VPS39: variants seen among roughly 807,000 people sequenced by gnomAD.
The protein encoded by VPS39 is vam6/Vps39-like protein.
VPS39 carries 70 observed loss-of-function variants against 121.0 expected under a neutral mutation model. The ratio of observed to expected loss-of-function variants is 0.58; its 90% CI spans 0.48 to 0.71. The LOEUF is 0.71. Ranked by LOEUF, VPS39 falls within the 30% of genes least tolerant of loss-of-function variation. VPS39 has a pLI of 0.00. For missense variants in VPS39, 818 were observed against 1,051.5 expected (o/e 0.78, Z 3.07); for synonymous variants, 378 against 398.1 (o/e 0.95, Z 0.60).
intron 7 of VPS39, among the ~76,000 whole-genome samples, chr15:42,186,591 T>C (rs1292644753): frequency 1.3e-5 from 2 of 152,174 alleles, no homozygotes; most frequent in Non-Finnish European, 2.9e-5. Context: ...TTTCTACATA[T>C]AGTATGCATA....
chr15:42,179,999 TTC>T (rs2049549019), intron 8 of VPS39, among the ~76,000 whole-genome samples: 1 of 152,150 alleles, frequency 6.6e-6, no homozygotes, highest in South Asian at 2.1e-4. Context: ...TCTCTTACCC[TTC>T]TCCTTCCACC....
In VPS39 at chr15:42,159,792, G is replaced by C. The variant is rs1190113428; in HGVS notation, c.*962C>G. 6.6e-6 allele frequency: 1 copy of C among 152,474 alleles called. No individual in the cohort carries two copies. The highest frequency in any genetic ancestry group is 6.5e-5 in the Admixed American group (1 of 15,286). The allele number at this position is 152,474 out of a possible 1,614,324, so 9.4% of individuals were successfully genotyped here. ...TGGAAACTGGCTGGAAAAAGAGAAAGGGCCCAGAGCACAAAATCGCCACGC... is the reference window on the plus strand; with the variant it reads ...TGGAAACTGGCTGGAAAAAGAGAAACGGCCCAGAGCACAAAATCGCCACGC... On this transcript the variant is annotated 3_prime_UTR_variant, in exon 25 of 25. Transcript: ENST00000318006.
intron 1 of VPS39, among the ~76,000 whole-genome samples, chr15:42,201,651 G>C (rs901639176): frequency 6.6e-6 from 1 of 152,234 alleles, no homozygotes; most frequent in African/African-American, 2.4e-5. Context: ...AGATGATGCT[G>C]ATGCTGGTGG....
chr15:42,187,814 C>A lies in VPS39; in HGVS notation c.385G>T (p.Val129Leu). 6.2e-7 allele frequency: 1 copy of A among 1,614,202 alleles called. No individual in the cohort carries two copies. Among genetic ancestry groups the A allele is most frequent in the South Asian group, 1.1e-5 (1 of 91,084 alleles). Reference protein sequence around the residue: ...GEEVLRMCVAVKKKLQLYFWK... With the variant: ...GEEVLRMCVALKKKLQLYFWK... ...AAATAGAGCTGCAGCTTCTTTTTTA[C>A]TGCCACACACATCCGTAACACCTCC... The change falls in exon 6 of 25, where the codon GTA becomes TTA. Residue 129 changes from valine to leucine, a missense_variant. By Grantham distance (32) the Val-to-Leu change is conservative. Transcript: ENST00000318006.
At chr15:42,206,781 G>A (rs1741505126) in intron 1 of VPS39, among the ~76,000 whole-genome samples, 1 of 152,178 alleles carries the variant, frequency 6.6e-6, no homozygotes, top group Admixed American at 6.5e-5. Context: ...TTGTATTACT[G>A]TCCCAAGCAA....
At chr15:42,176,869 A>G (rs553165954) in intron 10 of VPS39, among the ~76,000 whole-genome samples, 31 of 152,296 alleles carry the variant, frequency 2.0e-4, no homozygotes, top group African/African-American at 7.5e-4. Flanking sequence ...TCTTTAAAGT[A>G]TCACTATCTG....
At chr15:42,171,602 T>C (rs1297982269) in intron 11 of VPS39, among the ~76,000 whole-genome samples, 2 of 152,250 alleles carry the variant, frequency 1.3e-5, no homozygotes, top group African/African-American at 4.8e-5. Context: ...AAAATATACA[T>C]GCCACAATAT....
rs869280235 is a variant in VPS39 at position 42,170,741 on chromosome 15, ATT to A, written c.1091-877_1091-876del. Reference sequence around the variant, plus strand: ...ATGGTGTTCTCACAGATGCTCGCAGATTTTTTTTTTTTTTTTTTTTTTTTTTT... The same window carrying A: ...ATGGTGTTCTCACAGATGCTCGCAGATTTTTTTTTTTTTTTTTTTTTTTTT... On this transcript the variant is annotated intron_variant, in intron 11 of 24. Transcript: ENST00000318006. Among the ~76,000 whole-genome samples, 345 of 50,410 alleles carry A rather than the reference ATT, an allele frequency of 6.8e-3. 2 individuals are homozygous for A. Among genetic ancestry groups the A allele is most frequent in the African/African-American group, 0.024 (331 of 13,768 alleles). The allele number at this position is 50,410 out of a possible 152,430, so 33.1% of individuals were successfully genotyped here.
chr15:42,190,455 A>G (rs187260787), intron 4 of VPS39, among the ~76,000 whole-genome samples: 27 of 152,318 alleles, frequency 1.8e-4, no homozygotes, highest in African/African-American at 6.3e-4. Flanking sequence ...CTGCATGTCC[A>G]GAAAAGGCCT....
intron 14 of VPS39, 29 bp from the exon 15 acceptor site, chr15:42,166,678 T>A (rs1326605204): frequency 3.1e-6 from 5 of 1,613,968 alleles, no homozygotes; most frequent in Non-Finnish European, 4.2e-6. Context: ...AACAAGGTCA[T>A]GAGCCTTTTC....
chr15:42,176,187 T>A (rs1028706407), intron 10 of VPS39, among the ~76,000 whole-genome samples: 1 of 152,166 alleles, frequency 6.6e-6, no homozygotes, highest in Non-Finnish European at 1.5e-5. Context: ...TACCTGAGAT[T>A]AAACAACCTG....
chr15:42,166,026 C>T (rs539299110), intron 16 of VPS39, 133 bp downstream of exon 16: 2 of 1,059,694 alleles, frequency 1.9e-6, no homozygotes, highest in South Asian at 2.8e-5. Context: ...GCTCGCGCTT[C>T]CCAGTCCACC....
chr15:42,200,505 C>T (rs1383370680), intron 1 of VPS39, among the ~76,000 whole-genome samples: 1 of 152,138 alleles, frequency 6.6e-6, no homozygotes, highest in Non-Finnish European at 1.5e-5. Context: ...ACATAATAAG[C>T]TTACAGAATT....
At chr15:42,198,990 T>G (rs1424173219) in intron 2 of VPS39, among the ~76,000 whole-genome samples, 1 of 152,230 alleles carries the variant, frequency 6.6e-6, no homozygotes. Context: ...CTTTCCCGAG[T>G]GCACTAGTAA....
At position 42,199,981 on chromosome 15, in the gene VPS39, C is replaced by CA. The variant is rs372749604; in HGVS notation, c.74-21dup. 27,565 of 1,460,924 alleles carry CA rather than the reference C, an allele frequency of 0.019. 1,228 individuals are homozygous for CA. The African/African-American group carries it at 0.2, about 11-fold the overall frequency. The allele number at this position is 1,460,924 out of a possible 1,614,324, so 90.5% of individuals were successfully genotyped here. A position where few individuals can be genotyped will look rare whatever the true frequency, so the allele number is the denominator to read the frequency against. ...ATTCCTCTGGAAAAACAAAACAAAA[C>CA]AAAAACAAAAACAAAAAAAAACCAG... On this transcript the variant is annotated intron_variant, in intron 1 of 24. Coordinates refer to ENST00000318006, the MANE Select transcript of VPS39 (RefSeq NM_015289.5).
intron 13 of VPS39, 134 bp from the exon 14 acceptor site, chr15:42,167,047 C>G (rs2049257549): frequency 1.5e-6 from 2 of 1,300,804 alleles, no homozygotes; most frequent in Non-Finnish European, 2.1e-6. Context: ...TCTTTCAGGA[C>G]AGCAGGTAGA....
chr15:42,182,664 C>T (rs972536366), intron 8 of VPS39, among the ~76,000 whole-genome samples: 2 of 152,222 alleles, frequency 1.3e-5, no homozygotes, highest in Admixed American at 1.3e-4. Flanking sequence ...TGACAAGTTG[C>T]TGTGACAGAG....
At position 42,178,322 on chromosome 15, in the gene VPS39, C is replaced by T. The variant is rs752591696; in HGVS notation, c.856G>A (p.Val286Met). ...CTCCAAACAAAATGATTGCTGGCCA[C>T]ATAGATAATGTTTGATCTGGAAGCA... ...ITSGGSNIIY[V>M]ASNHFVWRLI... The change falls in exon 10 of 25, where the codon GTG (valine) becomes ATG (methionine). Residue 286 changes from valine to methionine, a missense_variant. Coordinates refer to ENST00000318006, the MANE Select transcript of VPS39 (RefSeq NM_015289.5). The T allele has an allele frequency of 1.2e-6, 2 of 1,614,092 alleles. No individual in the cohort carries two copies. The highest frequency in any genetic ancestry group is 1.7e-6 in the Non-Finnish European group (2 of 1,180,036).
rs760938678 is a variant in VPS39, at chr15:42,187,875, A to G, written c.343-19T>C. ...CTGTGTGCTGGGAGGAGACATGCAG[A>G]GCAAATGAAAATACAATGACTCTCT... On this transcript the variant is annotated intron_variant, in intron 5 of 24. Coordinates refer to ENST00000318006, the MANE Select transcript of VPS39 (RefSeq NM_015289.5). The G allele has an allele frequency of 1.2e-6, 2 of 1,607,832 alleles. No homozygotes were observed. Among genetic ancestry groups the G allele is most frequent in the Non-Finnish European group, 1.7e-6 (2 of 1,174,298 alleles).
Sources: allele counts gnomAD v4.1 joint callset (sites outside exome capture counted in the v4.1 genomes callset), GRCh38; gene constraint gnomAD v4.1.1; transcripts MANE v1.5; gene names NCBI Gene and HGNC (gene_info 2026-07-23, HGNC 2026-07-21).